CCDC33: variants seen among roughly 807,000 people sequenced by gnomAD.
CCDC33 encodes the protein coiled-coil domain-containing protein 33.
Under a neutral mutation model 91.9 loss-of-function variants are expected in CCDC33, and 94 were observed. That is an observed-to-expected ratio of 1.02 (90% CI 0.87 to 1.21). The LOEUF (loss-of-function observed/expected upper bound fraction) is 1.21, where lower values mean the gene tolerates loss of function less well. Ranked by LOEUF, CCDC33 falls within the 50% of genes most tolerant of loss-of-function variation. The pLI is 0.00. For synonymous variants in CCDC33, 396 were observed against 374.5 expected (o/e 1.06, Z -0.66); for missense variants, 940 against 935.5 (o/e 1.00, Z -0.06).
At chr15:74,213,789 G>A (rs528711928), upstream of CCDC33, among the ~76,000 whole-genome samples, 3 of 152,298 alleles carry the variant, frequency 2.0e-5, no homozygotes, top group Admixed American at 6.5e-5. Flanking sequence ...CTGGGGTGAC[G>A]TACCCCTGCG....
At chr15:74,234,358 C>G (rs2075079133), upstream of CCDC33, among the ~76,000 whole-genome samples, 1 of 152,240 alleles carries the variant, frequency 6.6e-6, no homozygotes, top group Admixed American at 6.5e-5. Flanking sequence ...GGGGCTGGCC[C>G]CTGGACATTT....
chr15:74,281,798 C>A lies in CCDC33; in HGVS notation c.1044C>A (p.Ile348=). Reference sequence around the variant, plus strand: ...CCCAGGACACCAGCCTGAAAACTATCAATGATGAGGCCCCCACAGTGGCTC... The same window carrying A: ...CCCAGGACACCAGCCTGAAAACTATAAATGATGAGGCCCCCACAGTGGCTC... ...LPIMDTSLKT[I]NDEAPTVALS... The change falls in exon 10 of 19, where the codon ATC becomes ATA. Residue 348 remains isoleucine (I), a synonymous_variant. Coordinates refer to ENST00000398814, the MANE Select transcript of CCDC33 (RefSeq NM_025055.5). The A allele has an allele frequency of 6.2e-7, 1 of 1,613,984 alleles. No homozygotes were observed. The highest frequency in any genetic ancestry group is 8.5e-7 in the Non-Finnish European group (1 of 1,179,934).
At chr15:74,224,616 G>A (rs1486124101) in intron 2 of CCDC33, among the ~76,000 whole-genome samples, 3 of 152,150 alleles carry the variant, frequency 2.0e-5, no homozygotes, top group African/African-American at 7.2e-5. Context: ...TTGGGCTCTG[G>A]CATTGATTTA....
intron 2 of CCDC33, among the ~76,000 whole-genome samples, chr15:74,250,548 C>T (rs2075675882): frequency 6.6e-6 from 1 of 152,130 alleles, no homozygotes; most frequent in African/African-American, 2.4e-5. Flanking sequence ...AGGCCAAATC[C>T]TCCCTCATTA....
chr15:74,241,489 G>A (rs934775086), intron 1 of CCDC33, among the ~76,000 whole-genome samples: 1 of 152,204 alleles, frequency 6.6e-6, no homozygotes, highest in Admixed American at 6.5e-5. Context: ...GGCTGGAGCG[G>A]AGTGACCCAC....
At chr15:74,317,264 G>A (rs1567028168) in intron 11 of CCDC33, among the ~76,000 whole-genome samples, 1 of 152,198 alleles carries the variant, frequency 6.6e-6, no homozygotes, top group Non-Finnish European at 1.5e-5. Context: ...GGGAGGCTGA[G>A]GCAGGAGAAT....
intron 2 of CCDC33, among the ~76,000 whole-genome samples, chr15:74,249,508 A>G (rs1462171418): frequency 1.3e-5 from 2 of 152,052 alleles, no homozygotes; most frequent in South Asian, 2.1e-4. Context: ...TAAAAAAATA[A>G]AAACAACTTG....
chr15:74,208,272 C>T (rs997111128), intron 1 of CCDC33, among the ~76,000 whole-genome samples: 1 of 152,148 alleles, frequency 6.6e-6, no homozygotes, highest in African/African-American at 2.4e-5. Flanking sequence ...AGGCTGTTAA[C>T]ATCAAGATGC....
At chr15:74,317,195 T>TA (rs922260544) in intron 11 of CCDC33, among the ~76,000 whole-genome samples, 4 of 151,994 alleles carry the variant, frequency 2.6e-5, no homozygotes, top group Admixed American at 1.3e-4. Context: ...CAGTCTCTAC[T>TA]AAAAAAATAC....
At chr15:74,283,909 G>T (rs570254985) in intron 10 of CCDC33, among the ~76,000 whole-genome samples, 1 of 152,038 alleles carries the variant, frequency 6.6e-6, no homozygotes, top group Non-Finnish European at 1.5e-5. Flanking sequence ...TGGCAAGAAG[G>T]ATGCACACTC....
chr15:74,228,365 G>A (rs1344660450), intron 2 of CCDC33, among the ~76,000 whole-genome samples: 1 of 152,216 alleles, frequency 6.6e-6, no homozygotes, highest in Admixed American at 6.5e-5. Context: ...TCGCCAGCAG[G>A]ACTGTTGAAT....
intron 3 of CCDC33, among the ~76,000 whole-genome samples, chr15:74,265,938 C>G (rs1039296216): frequency 2.6e-5 from 4 of 152,192 alleles, no homozygotes; most frequent in Non-Finnish European, 5.9e-5. Flanking sequence ...GCAGGAGACT[C>G]TCTTGAACCT....
chr15:74,318,739 G>A, intron 11 of CCDC33: 1 of 699,440 alleles, frequency 1.4e-6, no homozygotes, highest in Non-Finnish European at 2.6e-6. Context: ...GTGTTGCCCA[G>A]CAACCAGTAG....
chr15:74,270,202 G>T (rs371714621), intron 5 of CCDC33, among the ~76,000 whole-genome samples: 1 of 152,214 alleles, frequency 6.6e-6, no homozygotes, highest in Non-Finnish European at 1.5e-5. Flanking sequence ...AACCAGCTGA[G>T]ATGGGTATTG....
Position 74,330,654 on chromosome 15 carries a change from A to G in CCDC33, c.1457-9A>G. The G allele has an allele frequency of 6.2e-7, 1 of 1,611,072 alleles. No individual in the cohort carries two copies. Among genetic ancestry groups the G allele is most frequent in the Non-Finnish European group, 8.5e-7 (1 of 1,178,190 alleles). On this transcript the variant is annotated splice_polypyrimidine_tract_variant and intron_variant, in intron 12 of 18. Transcript: ENST00000398814. ...CCTCCCTGAGCCAGCTCCCCAACCC[A>G]CCTAACAGTGTCCATGAAGCAGAAA...
intron 11 of CCDC33, among the ~76,000 whole-genome samples, chr15:74,318,141 AG>A (rs1291356877): frequency 5.1e-4 from 29 of 56,600 alleles, no homozygotes; most frequent in South Asian, 4.8e-3. Flanking sequence ...AGAGAGACTA[AG>A]GGGGAGGGGG....
Position 74,271,741 on chromosome 15 carries a change from C to T in CCDC33, c.585C>T (p.Asn195=). 1 of 1,613,936 alleles carries T rather than the reference C, an allele frequency of 6.2e-7. No homozygotes were observed. Among genetic ancestry groups the T allele is most frequent in the Non-Finnish European group, 8.5e-7 (1 of 1,179,838 alleles). ...GAGTCAACGAGCCCCTGGCCAACAA[C>T]CCCAACCCCATAGTGGTGATTGCCC... is the stretch of plus-strand genomic sequence containing the variant. ...LRGVNEPLAN[N]PNPIVVIARV... is the part of the protein sequence containing the mutation. Residue 195 remains asparagine, a synonymous_variant, in exon 6 of 19, where the codon AAC becomes AAT. Transcript: ENST00000398814.
chr15:74,313,223 T>C (rs886299748), intron 11 of CCDC33, among the ~76,000 whole-genome samples: 4 of 152,080 alleles, frequency 2.6e-5, no homozygotes, highest in South Asian at 2.1e-4. Flanking sequence ...GGCTCCAGGA[T>C]GCCAGGGCAG....
At chr15:74,265,190 T>C (rs2076134636) in intron 3 of CCDC33, among the ~76,000 whole-genome samples, 1 of 152,232 alleles carries the variant, frequency 6.6e-6, no homozygotes, top group Admixed American at 6.5e-5. Flanking sequence ...ACCCAGCGGC[T>C]GAGCCCGCTG....
Sources: allele counts gnomAD v4.1 joint callset (sites outside exome capture counted in the v4.1 genomes callset), GRCh38; gene constraint gnomAD v4.1.1; transcripts MANE v1.5; gene names NCBI Gene and HGNC (gene_info 2026-07-23, HGNC 2026-07-21).